CDH8: variants seen among roughly 807,000 people sequenced by gnomAD.
The protein encoded by CDH8 is cadherin 8, also known as cadherin-8.
Under a neutral mutation model 68.1 loss-of-function variants are expected in CDH8, and 17 were observed. That is an observed-to-expected ratio of 0.25 (90% CI 0.17 to 0.37). The LOEUF (loss-of-function observed/expected upper bound fraction) is 0.37. CDH8 is among the 10% of genes least tolerant of loss of function. The pLI, the probability that CDH8 is intolerant of heterozygous loss-of-function variation, is 1.00. For synonymous variants in CDH8, 372 were observed against 365.1 expected, an observed-to-expected ratio of 1.02 and a Z score of -0.21; for missense variants, 763 against 999.3, an observed-to-expected ratio of 0.76 and a Z score of 3.19.
chr16:61,768,382 C>T (rs953397078), intron 8 of CDH8, among the ~76,000 whole-genome samples: 2 of 103,788 alleles, frequency 1.9e-5, no homozygotes, highest in Admixed American at 9.4e-5. Flanking sequence ...TTCTCTCTCT[C>T]TCTCTCTCTC....
intron 7 of CDH8, among the ~76,000 whole-genome samples, chr16:61,801,790 T>A (rs550965632): frequency 1.3e-5 from 2 of 152,294 alleles, no homozygotes; most frequent in East Asian, 1.9e-4. Flanking sequence ...TGAGATTATA[T>A]CCCACACCTG....
chr16:61,730,049 C>T (rs1012615625), intron 8 of CDH8, among the ~76,000 whole-genome samples: 12 of 151,200 alleles, frequency 7.9e-5, no homozygotes, highest in African/African-American at 2.9e-4. Context: ...TGCATATACA[C>T]ATTTTCTTCC....
chr16:61,779,082 C>T (rs1302116758), intron 8 of CDH8, among the ~76,000 whole-genome samples: 1 of 152,144 alleles, frequency 6.6e-6, no homozygotes, highest in Non-Finnish European at 1.5e-5. Context: ...TTATATGCTT[C>T]CTGCTTTGAA....
intron 11 of CDH8, among the ~76,000 whole-genome samples, chr16:61,654,428 T>C (rs1393657417): frequency 6.6e-6 from 1 of 152,150 alleles, no homozygotes; most frequent in African/African-American, 2.4e-5. Flanking sequence ...GCACTGAAAG[T>C]ATGACTAGCT....
intron 3 of CDH8, among the ~76,000 whole-genome samples, chr16:61,875,355 C>T (rs942836297): frequency 6.6e-6 from 1 of 152,036 alleles, no homozygotes; most frequent in African/African-American, 2.4e-5. Flanking sequence ...GTATGGTCTC[C>T]AGACCAGCAA....
At chr16:61,770,925 T>A (rs915503227) in intron 8 of CDH8, among the ~76,000 whole-genome samples, 3 of 151,980 alleles carry the variant, frequency 2.0e-5, no homozygotes, top group African/African-American at 7.2e-5. Flanking sequence ...CACTTTGCAA[T>A]TATTTGGTAC....
intron 3 of CDH8, among the ~76,000 whole-genome samples, chr16:61,881,757 T>C (rs1371797711): frequency 1.3e-5 from 2 of 152,190 alleles, no homozygotes. Context: ...TTCAGAGAGG[T>C]AAATTCCTTC....
chr16:61,761,968 T>A (rs1355318297), intron 8 of CDH8, among the ~76,000 whole-genome samples: 1 of 152,052 alleles, frequency 6.6e-6, no homozygotes, highest in Admixed American at 6.6e-5. Context: ...GCCACTGCAC[T>A]TCAGCCTGGA....
intron 1 of CDH8, among the ~76,000 whole-genome samples, chr16:62,030,208 T>C (rs981270981): frequency 3.3e-5 from 5 of 152,186 alleles, no homozygotes; most frequent in African/African-American, 1.2e-4. Flanking sequence ...ACAAAAATAC[T>C]ATTGAGTTAT....
chr16:61,934,343 G>A (rs894390621), intron 2 of CDH8: 1 of 145,672 alleles, frequency 6.9e-6, no homozygotes, highest in Admixed American at 6.9e-5. Context: ...ACAACAAAAG[G>A]CCTCTGAGAG....
rs760111472 is a variant in CDH8, at chr16:61,809,234, C to T, written c.1277+8245G>A. ...AAAAAAAACAAAAAAAGTAACAGGC[C>T]GTATTTGGCCCACAGGCTTACCCCT... On this transcript the variant is annotated intron_variant, in intron 7 of 11. Coordinates refer to ENST00000577390, the MANE Select transcript of CDH8 (RefSeq NM_001796.5). 3.3e-5 allele frequency among the ~76,000 whole-genome samples: 5 copies of T among 151,934 alleles called. No homozygotes were observed. In the East Asian group the frequency reaches 7.7e-4, roughly 23 times the overall value.
At chr16:61,969,497 G>A (rs1466462527) in intron 2 of CDH8, among the ~76,000 whole-genome samples, 4 of 152,162 alleles carry the variant, frequency 2.6e-5, no homozygotes, top group Admixed American at 6.5e-5. Flanking sequence ...AATAACTTCC[G>A]ATGCCTCTCC....
chr16:61,710,904 T>C (rs1031906944), intron 10 of CDH8: 2 of 152,012 alleles, frequency 1.3e-5, no homozygotes, highest in East Asian at 1.9e-4. Context: ...ATGGTTAAAA[T>C]TGAGGCCAAT....
intron 2 of CDH8, among the ~76,000 whole-genome samples, chr16:61,961,239 C>T (rs776762490): frequency 4.0e-5 from 6 of 151,832 alleles, no homozygotes; most frequent in African/African-American, 1.5e-4. Context: ...CGCTTGAACC[C>T]GGGAGGCAGA....
intron 8 of CDH8, among the ~76,000 whole-genome samples, chr16:61,730,393 T>C (rs1353712413): frequency 6.6e-6 from 1 of 151,480 alleles, no homozygotes; most frequent in African/African-American, 2.4e-5. Flanking sequence ...ATGAATGATA[T>C]ATAATGTTTT....
chr16:61,859,510 C>T (rs1963111892), intron 3 of CDH8, among the ~76,000 whole-genome samples: 1 of 152,088 alleles, frequency 6.6e-6, no homozygotes, highest in Non-Finnish European at 1.5e-5. Flanking sequence ...AAAGAGCAAA[C>T]CCATATTGTG....
intron 2 of CDH8, among the ~76,000 whole-genome samples, chr16:61,954,059 T>C (rs1964943931): frequency 6.6e-6 from 1 of 151,870 alleles, no homozygotes; most frequent in South Asian, 2.1e-4. Flanking sequence ...ACCAACTCCA[T>C]AAAATCGTCT....
chr16:61,744,724 C>T (rs1396665226), intron 8 of CDH8, among the ~76,000 whole-genome samples: 1 of 151,146 alleles, frequency 6.6e-6, no homozygotes, highest in Admixed American at 6.6e-5. Flanking sequence ...TTAGTGACAA[C>T]ACTAAATATA....
chr16:61,908,024 C>G (rs1964092319), intron 2 of CDH8, among the ~76,000 whole-genome samples: 1 of 126,000 alleles, frequency 7.9e-6, no homozygotes, highest in African/African-American at 3.2e-5. Flanking sequence ...GCCTGCGCGA[C>G]AGAGTGAGAC....
Sources: gnomAD v4.1 joint callset for allele counts (sites outside exome capture counted in the v4.1 genomes callset) on GRCh38, gnomAD v4.1.1 for gene constraint, MANE v1.5 for transcripts, NCBI Gene and HGNC (gene_info 2026-07-23, HGNC 2026-07-21) for gene names.